Variants in MAST3 observed in about 807,000 individuals in gnomAD.
MAST3 encodes the protein microtubule-associated serine/threonine-protein kinase 3.
Under a neutral mutation model 127.0 loss-of-function variants are expected in MAST3, and 43 were observed. That is an observed-to-expected ratio of 0.34 (90% CI 0.27 to 0.44). The LOEUF is 0.44. Ranked by LOEUF, MAST3 falls within the 20% of genes least tolerant of loss-of-function variation. The pLI is 1.00. For missense variants in MAST3, 1,390 were observed against 1,919.1 expected (o/e 0.72, Z 5.15); for synonymous variants, 785 against 809.2 (o/e 0.97, Z 0.51).
At chr19:18,122,948 G>C (rs1350060029) in intron 6 of MAST3, among the ~76,000 whole-genome samples, 197 bp downstream of exon 6, 1 of 152,240 alleles carries the variant, frequency 6.6e-6, no homozygotes, top group Non-Finnish European at 1.5e-5. Context: ...ATAGTCCCTG[G>C]TTGGGGAGAT....
At chr19:18,102,098 T>C (rs930625534) in intron 1 of MAST3, among the ~76,000 whole-genome samples, 1 of 151,850 alleles carries the variant, frequency 6.6e-6, no homozygotes, top group African/African-American at 2.4e-5. Flanking sequence ...GCCAGGATGG[T>C]CTCCATCTGC....
chr19:18,139,713 G>A (rs1018914300), intron 20 of MAST3, among the ~76,000 whole-genome samples: 6 of 152,050 alleles, frequency 3.9e-5, no homozygotes, highest in South Asian at 2.1e-4. Context: ...TGCCCGCCTC[G>A]GCCTCCTAAA....
chr19:18,135,084 G>A, intron 17 of MAST3, 102 bp downstream of exon 17: 1 of 1,411,912 alleles, frequency 7.1e-7, no homozygotes, highest in South Asian at 1.4e-5. Flanking sequence ...GAAGAGGGGA[G>A]GGAGTTGGAT....
At position 18,149,108 on chromosome 19, in the gene MAST3, G is replaced by A; in HGVS notation, c.3509-83G>A. 2 of 1,357,140 alleles carry A rather than the reference G, an allele frequency of 1.5e-6. No homozygotes were observed. The highest frequency in any genetic ancestry group is 6.1e-5 in the East Asian group (2 of 32,748). 84.1% of individuals were successfully genotyped at this position (1,357,140 alleles called of 1,614,324 possible). The stretch of plus-strand genomic sequence containing the variant: ...GCCACATGGAAGGATGTGGGCTTTA[G>A]CAGTTTTTGTCAGTCCCACAGCTCC... On this transcript the variant is annotated intron_variant, in intron 27 of 27. Coordinates refer to ENST00000687212, the MANE Select transcript of MAST3 (RefSeq NM_001393504.1). The surrounding 1 kb of genome is among the most constrained non-coding windows in gnomAD (Gnocchi z 5.9).
At chr19:18,130,411 T>C in intron 13 of MAST3, 83 bp from the exon 14 acceptor site, 1 of 1,267,586 alleles carries the variant, frequency 7.9e-7, no homozygotes, top group Non-Finnish European at 1.1e-6. Context: ...GCCAGGCAGG[T>C]TGGGATCTGG....
At position 18,149,606 on chromosome 19, in the gene MAST3, G is replaced by A. The variant is rs1057365547; in HGVS notation, c.3924G>A (p.Gln1308=). 3 of 1,612,542 alleles carry A rather than the reference G, an allele frequency of 1.9e-6. No individual in the cohort carries two copies. The highest frequency in any genetic ancestry group is 3.3e-5 in the Admixed American group (2 of 59,870). Residue 1308 remains glutamine, a synonymous_variant, in exon 28 of 28, where the codon CAG becomes CAA. Transcript: ENST00000687212. This position sits in a 1 kb window ranked among gnomAD's most constrained non-coding sequence, Gnocchi z 5.9. ...CCTTCAAGAAGCAGGAGGCCGTGCA[G>A]GAGGTTAGCTTCGATGAGCCGCAGG... ...RDSFKKQEAV[Q]EVSFDEPQEE...
intron 5 of MAST3, 185 bp downstream of exon 5, chr19:18,122,107 C>G: frequency 1.0e-6 from 1 of 985,318 alleles, no homozygotes; most frequent in Non-Finnish European, 1.2e-6. Flanking sequence ...CATCTTGCAG[C>G]CACATCCCAC....
intron 26 of MAST3, 21 bp from the exon 27 acceptor site, chr19:18,147,422 C>A: frequency 6.2e-7 from 1 of 1,611,762 alleles, no homozygotes; most frequent in South Asian, 1.1e-5. Flanking sequence ...GGTTCTGAAG[C>A]CTCCGGTTTT....
Position 18,097,801 on chromosome 19 carries a change from G to A in MAST3, c.9G>A (p.Glu3=), listed in dbSNP as rs2037094198. Residue 3 remains glutamate, a synonymous_variant, in exon 1 of 28, where the codon GAG becomes GAA. Coordinates refer to ENST00000687212, the MANE Select transcript of MAST3 (RefSeq NM_001393504.1). ...GCGCGGACTCCCGGGCCATGGACGA[G>A]TCGAGCCTCCTGCGGCGCCGCGGGC... MD[E]SSLLRRRGLQ... 11 of 1,223,928 alleles carry A rather than the reference G, an allele frequency of 9.0e-6. No homozygotes were observed. Among genetic ancestry groups the A allele is most frequent in the Non-Finnish European group, 1.1e-5 (11 of 983,140 alleles). The allele number at this position is 1,223,928 out of a possible 1,614,324, so 75.8% of individuals were successfully genotyped here.
At position 18,114,813 on chromosome 19, in the gene MAST3, G is replaced by A. The variant is rs546189048; in HGVS notation, c.161+4072G>A. Among the ~76,000 whole-genome samples, 7 of 152,268 alleles carry A rather than the reference G, an allele frequency of 4.6e-5. No homozygotes were observed. The South Asian group carries it at 1.4e-3, about 32-fold the overall frequency. ...TCGTCAGAGACACTTTCCTTCTGGA[G>A]CCTCAAATCCCAAGGGCAGGAAGAA... On this transcript the variant is annotated intron_variant, in intron 3 of 27. Coordinates refer to ENST00000687212, the MANE Select transcript of MAST3 (RefSeq NM_001393504.1).
chr19:18,123,457 G>C, intron 7 of MAST3, 83 bp downstream of exon 7: 2 of 1,498,738 alleles, frequency 1.3e-6, no homozygotes, highest in Non-Finnish European at 1.8e-6. Context: ...CTTCACCCCA[G>C]CCCTGACCCT....
chr19:18,144,028 G>A lies in MAST3; in HGVS notation c.2584+21G>A, dbSNP rs551105449. 1.3e-6 allele frequency: 2 copies of A among 1,551,142 alleles called. No homozygotes were observed. The highest frequency in any genetic ancestry group is 1.2e-5 in the South Asian group (1 of 84,304). On this transcript the variant is annotated intron_variant, in intron 22 of 27. Transcript: ENST00000687212. The surrounding 1 kb of genome is among the most constrained non-coding windows in gnomAD (Gnocchi z 4.0). ...TTCTGGTAAGTGGGGCCCTGAGTAA[G>A]AGGGATGATGTCATGGAAGTTTCCC...
intron 15 of MAST3, 114 bp from the exon 16 acceptor site, chr19:18,134,465 C>T: frequency 1.4e-6 from 2 of 1,397,498 alleles, no homozygotes; most frequent in Non-Finnish European, 1.9e-6. Flanking sequence ...CGCTAGGGCC[C>T]AGGAGTTGGA....
chr19:18,147,099 C>CTT (rs147946466), intron 26 of MAST3, 55 bp downstream of exon 26: 14,023 of 882,746 alleles, frequency 0.016, 5 homozygotes, highest in Middle Eastern at 0.021. Flanking sequence ...TTTCTTTTTC[C>CTT]TTTTTTTTTT....
intron 11 of MAST3, among the ~76,000 whole-genome samples, chr19:18,125,705 C>T (rs2040533553): frequency 7.7e-6 from 1 of 129,336 alleles, no homozygotes; most frequent in African/African-American, 3.0e-5. Context: ...CACACCACTT[C>T]ATTCCAGCCT....
chr19:18,139,950 GCTGGGATTACAGGTGC>G lies in MAST3; in HGVS notation c.2205+828_2205+843del, dbSNP rs567268627. On this transcript the variant is annotated intron_variant, in intron 20 of 27. Coordinates refer to ENST00000687212, the MANE Select transcript of MAST3 (RefSeq NM_001393504.1). Reference sequence around the variant, plus strand: ...TTCTCCTGCCTCAGCCTCCCAAGTAGCTGGGATTACAGGTGCCCGCCACCACGCCCGGCTAATTTTT... The same window carrying G: ...TTCTCCTGCCTCAGCCTCCCAAGTAGCCGCCACCACGCCCGGCTAATTTTT... Among the ~76,000 whole-genome samples, 313 of 149,482 alleles carry G rather than the reference GCTGGGATTACAGGTGC, an allele frequency of 2.1e-3. 1 individual carries two copies. The highest frequency in any genetic ancestry group is 3.9e-3 in the Admixed American group (59 of 15,022).
Position 18,145,324 on chromosome 19 carries a change from G to C in MAST3, c.3039+95G>C, listed in dbSNP as rs2042915354. On this transcript the variant is annotated intron_variant, in intron 24 of 27. Coordinates refer to ENST00000687212, the MANE Select transcript of MAST3 (RefSeq NM_001393504.1). The surrounding 1 kb of genome is among the most constrained non-coding windows in gnomAD (Gnocchi z 5.9). ...GAGCTGCATTTTGGAGCCTGGCAGGGTTAGGTAGATAGAGCTGGTGCCACC... is the reference window on the plus strand; with the variant it reads ...GAGCTGCATTTTGGAGCCTGGCAGGCTTAGGTAGATAGAGCTGGTGCCACC... 1 of 1,240,708 alleles carries C rather than the reference G, an allele frequency of 8.1e-7. No homozygotes were observed. Among genetic ancestry groups the C allele is most frequent in the Non-Finnish European group, 1.2e-6 (1 of 856,436 alleles). 76.9% of individuals were successfully genotyped at this position (1,240,708 alleles called of 1,614,324 possible). A position where few individuals can be genotyped will look rare whatever the true frequency, so the allele number is the denominator to read the frequency against.
chr19:18,104,802 A>C (rs999710760), intron 1 of MAST3, among the ~76,000 whole-genome samples: 7 of 152,136 alleles, frequency 4.6e-5, no homozygotes, highest in African/African-American at 1.7e-4. Context: ...CAGTAAATGC[A>C]AGGACATTTA....
At chr19:18,132,814 G>T (rs2041465290) in intron 15 of MAST3, among the ~76,000 whole-genome samples, 1 of 152,184 alleles carries the variant, frequency 6.6e-6, no homozygotes, top group African/African-American at 2.4e-5. Flanking sequence ...TAAGAGCCTT[G>T]CATGTAGGCC....
Sources: allele counts gnomAD v4.1 joint callset (sites outside exome capture counted in the v4.1 genomes callset), GRCh38; gene constraint gnomAD v4.1.1; non-coding constraint Gnocchi (gnomAD v3.1); transcripts MANE v1.5; gene names NCBI Gene and HGNC (gene_info 2026-07-23, HGNC 2026-07-21).